Variants in SEC14L3 observed in about 807,000 individuals in gnomAD.
The protein encoded by SEC14L3 is SEC14-like protein 3.
Under a neutral mutation model 57.4 loss-of-function variants are expected in SEC14L3, and 56 were observed. The ratio of observed to expected loss-of-function variants is 0.97; its 90% CI spans 0.79 to 1.22. SEC14L3 has a LOEUF of 1.22. Among genes scored for constraint, SEC14L3 ranks in the 50% most tolerant of loss-of-function variants. The pLI, the probability that SEC14L3 is intolerant of heterozygous loss-of-function variation, is 0.00. For missense variants in SEC14L3, 485 were observed against 511.7 expected, an observed-to-expected ratio of 0.95 and a Z score of 0.50; for synonymous variants, 173 against 194.4, an observed-to-expected ratio of 0.89 and a Z score of 0.92.
chr22:30,454,791 T>G (rs1935064957), downstream of SEC14L3, among the ~76,000 whole-genome samples: 1 of 72,412 alleles, frequency 1.4e-5, no homozygotes, highest in Non-Finnish European at 2.3e-5. Flanking sequence ...ATATATTATA[T>G]ATTATTGTAT....
intron 11 of SEC14L3, among the ~76,000 whole-genome samples, chr22:30,460,828 C>CAAAAAAAAAAAA (rs747778887): frequency 9.6e-6 from 1 of 104,418 alleles, no homozygotes; most frequent in Admixed American, 1.1e-4. Flanking sequence ...AACTCTGTCT[C>CAAAAAAAAAAAA]AAAAAAAAAA....
intron 7 of SEC14L3, 151 bp from the exon 8 acceptor site, chr22:30,465,054 C>T: frequency 1.7e-6 from 2 of 1,178,466 alleles, no homozygotes; most frequent in Non-Finnish European, 2.3e-6. Flanking sequence ...TCCAACCAAC[C>T]AGTCAACCAG....
rs1312639866 is a variant in SEC14L3, at chr22:30,468,531, C to G, written c.400G>C (p.Glu134Gln). The G allele has an allele frequency of 6.2e-7, 1 of 1,613,716 alleles. No homozygotes were observed. The highest frequency in any genetic ancestry group is 8.5e-7 in the Non-Finnish European group (1 of 1,179,856). ...KMRDCERILH[E>Q]CDLQTERLGK... ...ACCCTCTCTGTCTGCAGGTCACACTCATGCAGGATGCGCTCACAGTCCCTC... is the reference window on the plus strand; with the variant it reads ...ACCCTCTCTGTCTGCAGGTCACACTGATGCAGGATGCGCTCACAGTCCCTC... Residue 134 changes from glutamate to glutamine, a missense_variant, in exon 5 of 12, where the codon GAG becomes CAG. By Grantham distance (29) the Glu-to-Gln change is conservative (BLOSUM62 2). Transcript: ENST00000215812.
chr22:30,471,130 C>T lies in SEC14L3; in HGVS notation c.55-548G>A, dbSNP rs957777145. ...TGAAAACTCATCTCTACTAAAAATA[C>T]AAAAATTAGCCAGGTGTGGTGGCAC... On this transcript the variant is annotated intron_variant, in intron 1 of 11. Transcript: ENST00000215812. The T allele has an allele frequency of 4.0e-5, 14 of 346,356 alleles. No homozygotes were observed. In the East Asian group the frequency reaches 1.1e-3, roughly 28 times the overall value. 21.5% of individuals were successfully genotyped at this position (346,356 alleles called of 1,614,324 possible). A position where few individuals can be genotyped will look rare whatever the true frequency, so the allele number is the denominator to read the frequency against.
chr22:30,469,829 C>G (rs545437572), intron 4 of SEC14L3, among the ~76,000 whole-genome samples, 190 bp downstream of exon 4: 1 of 152,344 alleles, frequency 6.6e-6, no homozygotes, highest in Admixed American at 6.5e-5. Flanking sequence ...GAAGCTCATG[C>G]TGCTAACATC....
At chr22:30,449,378 A>G in intron 12 of SEC14L3, 3 of 1,271,842 alleles carry the variant, frequency 2.4e-6, no homozygotes, top group South Asian at 1.5e-5. Flanking sequence ...GTGTCATTCT[A>G]TAATAGAATG....
intron 4 of SEC14L3, chr22:30,468,983 G>C: frequency 1.4e-6 from 2 of 1,414,606 alleles, no homozygotes; most frequent in Non-Finnish European, 1.8e-6. Context: ...CGGGTTTAGT[G>C]ATGGAGAACA....
Position 30,462,054 on chromosome 22 carries a change from C to T in SEC14L3, c.771+32G>A, listed in dbSNP as rs751672334. On this transcript the variant is annotated intron_variant, in intron 9 of 11. Coordinates refer to ENST00000215812, the MANE Select transcript of SEC14L3 (RefSeq NM_174975.5). ...AAGGGAATCCAGCTTAATTCTTGAACCTCTCTTGTCCCAGGGAAGGGCTCT... is the reference window on the plus strand; with the variant it reads ...AAGGGAATCCAGCTTAATTCTTGAATCTCTCTTGTCCCAGGGAAGGGCTCT... 326 of 1,605,492 alleles carry T rather than the reference C, an allele frequency of 2.0e-4. 1 individual carries two copies. The South Asian group carries it at 2.7e-3, about 13-fold the overall frequency.
At chr22:30,458,966 C>T (rs1428370752), downstream of SEC14L3, among the ~76,000 whole-genome samples, 4 of 152,194 alleles carry the variant, frequency 2.6e-5, no homozygotes, top group East Asian at 7.7e-4. Flanking sequence ...GATTGTACCA[C>T]TGCACTCCAG....
intron 9 of SEC14L3, 81 bp from the exon 10 acceptor site, chr22:30,461,775 C>T: frequency 6.6e-7 from 1 of 1,526,366 alleles, no homozygotes; most frequent in Non-Finnish European, 8.9e-7. Flanking sequence ...ACTTTCACCA[C>T]CTCCTGGAAG....
downstream of SEC14L3, among the ~76,000 whole-genome samples, chr22:30,455,007 GTATAATATATTATA>G (rs1220034958): frequency 0.02 from 1,305 of 66,174 alleles, 79 homozygotes; most frequent in African/African-American, 0.085. Flanking sequence ...TATAATAGAT[GTATAATATATTATA>G]TATAATATAT....
At chr22:30,466,953 C>CG (rs1210206992) in intron 6 of SEC14L3, 29 bp downstream of exon 6, 2 of 1,592,596 alleles carry the variant, frequency 1.3e-6, no homozygotes, top group South Asian at 1.1e-5. Context: ...TCAAAGCAAG[C>CG]GGGGGGTGGC....
At chr22:30,469,920 C>T in intron 4 of SEC14L3, 99 bp downstream of exon 4, 1 of 899,628 alleles carries the variant, frequency 1.1e-6, no homozygotes. Flanking sequence ...CCTGCGGGTT[C>T]CACAGGCCTC....
intron 12 of SEC14L3, among the ~76,000 whole-genome samples, chr22:30,452,145 G>A (rs956208422): frequency 2.6e-5 from 4 of 151,630 alleles, no homozygotes; most frequent in Admixed American, 6.6e-5. Flanking sequence ...AATTTCCACC[G>A]CGTGTTTCAT....
chr22:30,454,961 A>T (rs1397714712), downstream of SEC14L3, among the ~76,000 whole-genome samples: 2 of 42,906 alleles, frequency 4.7e-5, no homozygotes, highest in Non-Finnish European at 7.2e-5. Flanking sequence ...ATATCATATA[A>T]TAGATATATA....
At chr22:30,467,767 A>G (rs1935467863) in intron 5 of SEC14L3, among the ~76,000 whole-genome samples, 1 of 152,228 alleles carries the variant, frequency 6.6e-6, no homozygotes, top group South Asian at 2.1e-4. Flanking sequence ...AAGGGCAAAG[A>G]AAGGCTCAGA....
chr22:30,453,128 G>T (rs568147184), intron 12 of SEC14L3, among the ~76,000 whole-genome samples: 1 of 152,020 alleles, frequency 6.6e-6, no homozygotes, highest in Non-Finnish European at 1.5e-5. Flanking sequence ...ACCTCAACAG[G>T]ATACAATCCT....
chr22:30,458,958 T>G (rs1935168315), downstream of SEC14L3, among the ~76,000 whole-genome samples: 1 of 152,168 alleles, frequency 6.6e-6, no homozygotes, highest in African/African-American at 2.4e-5. Context: ...TGAGCCATGA[T>G]TGTACCACTG....
intron 12 of SEC14L3, among the ~76,000 whole-genome samples, chr22:30,451,699 C>A (rs1049649348): frequency 1.3e-5 from 2 of 151,988 alleles, no homozygotes; most frequent in African/African-American, 2.4e-5. Context: ...AAGAAAAAAA[C>A]TGGCTGATGG....
Sources: gnomAD v4.1 joint callset for allele counts (sites outside exome capture counted in the v4.1 genomes callset) on GRCh38, gnomAD v4.1.1 for gene constraint, MANE v1.5 for transcripts, NCBI Gene and HGNC (gene_info 2026-07-23, HGNC 2026-07-21) for gene names.